Variants in IRGM observed in about 807,000 individuals in gnomAD.
The protein encoded by IRGM is immunity-related GTPase family M protein.
For synonymous variants in IRGM, 98 were observed against 80.6 expected (o/e 1.22, Z -1.16); for missense variants, 288 against 219.9 (o/e 1.31, Z -1.96).
chr5:150,866,129 C>A (rs1581644805), intron 1 of IRGM, among the ~76,000 whole-genome samples: 1 of 152,148 alleles, frequency 6.6e-6, no homozygotes, highest in Non-Finnish European at 1.5e-5. Flanking sequence ...TTCTATTGTT[C>A]CGTGATTCTG....
In IRGM at chr5:150,882,929, G is replaced by A. The variant is rs1039908791; in HGVS notation, c.*140+3283G>A. Reference sequence around the variant, plus strand: ...GCAGCATAATATACATTCTTTTCAAGTGCACATAGAATATTCTCCAATATA... The same window carrying A: ...GCAGCATAATATACATTCTTTTCAAATGCACATAGAATATTCTCCAATATA... On this transcript the variant is annotated intron_variant and NMD_transcript_variant, in intron 3 of 3. Coordinates refer to the IRGM transcript ENST00000520549. 7.9e-5 allele frequency among the ~76,000 whole-genome samples: 12 copies of A among 152,028 alleles called. No homozygotes were observed. In the East Asian group the frequency reaches 2.1e-3, roughly 27 times the overall value.
At chr5:150,898,755 A>ATTT (rs1194837510) in intron 3 of IRGM, among the ~76,000 whole-genome samples, 2 of 152,042 alleles carry the variant, frequency 1.3e-5, no homozygotes, top group Admixed American at 1.3e-4. Context: ...TACATATAGT[A>ATTT]ATTTCATACA....
At chr5:150,859,464 C>G (rs972776415) in intron 1 of IRGM, among the ~76,000 whole-genome samples, 2 of 152,158 alleles carry the variant, frequency 1.3e-5, no homozygotes, top group Non-Finnish European at 2.9e-5. Context: ...GGAGGATTCC[C>G]TCTTTTTCTA....
chr5:150,871,044 G>T (rs1754276145), intron 1 of IRGM, among the ~76,000 whole-genome samples: 2 of 152,116 alleles, frequency 1.3e-5, no homozygotes, highest in African/African-American at 4.8e-5. Context: ...AAAAAGGAAA[G>T]ATTTCTGATT....
rs568745202 is a variant in IRGM at position 150,865,321 on chromosome 5, ACAGG to A, written c.159-12654_159-12651del. Among the ~76,000 whole-genome samples the A allele has an allele frequency of 8.7e-4, 133 of 152,300 alleles. 1 individual carries two copies. Among genetic ancestry groups the A allele is most frequent in the African/African-American group, 3.1e-3 (127 of 41,550 alleles). ...AAAGTATATTAGAAAAAGAACTAAA[ACAGG>A]CAGGAGAAATGGACAATAATTTGGA... is the stretch of plus-strand genomic sequence containing the variant. On this transcript the variant is annotated intron_variant and NMD_transcript_variant, in intron 1 of 3. Coordinates refer to the IRGM transcript ENST00000520549.
chr5:150,895,335 G>A, intron 3 of IRGM: 1 of 1,022,354 alleles, frequency 9.8e-7, no homozygotes, highest in East Asian at 2.6e-5. Flanking sequence ...TATCTATTGG[G>A]ATGTTGTCCC....
At chr5:150,876,216 A>G (rs1036403569) in intron 1 of IRGM, among the ~76,000 whole-genome samples, 1 of 152,232 alleles carries the variant, frequency 6.6e-6, no homozygotes, top group African/African-American at 2.4e-5. Context: ...AGGGCTGTGT[A>G]TGCTCTGAAT....
At chr5:150,874,071 AT>A (rs2113280250) in intron 1 of IRGM, among the ~76,000 whole-genome samples, 1 of 152,334 alleles carries the variant, frequency 6.6e-6, no homozygotes, top group African/African-American at 2.4e-5. Flanking sequence ...AAATTAACAC[AT>A]CTCTTGGTAC....
intron 1 of IRGM, among the ~76,000 whole-genome samples, chr5:150,865,698 C>T (rs1754198194): frequency 6.6e-6 from 1 of 152,132 alleles, no homozygotes; most frequent in African/African-American, 2.4e-5. Flanking sequence ...GGAAAACACG[C>T]CTCTCCACAT....
chr5:150,867,140 A>G (rs1450469556), intron 1 of IRGM, among the ~76,000 whole-genome samples: 1 of 152,100 alleles, frequency 6.6e-6, no homozygotes, highest in African/African-American at 2.4e-5. Context: ...CACTGTACCC[A>G]ATGTGTAGTC....
chr5:150,867,230 G>A (rs1005664484), intron 1 of IRGM, among the ~76,000 whole-genome samples: 1 of 152,112 alleles, frequency 6.6e-6, no homozygotes, highest in Non-Finnish European at 1.5e-5. Flanking sequence ...ACTTATAAGT[G>A]AGAACATACG....
At chr5:150,885,604 GTAATTC>G (rs1754508988) in intron 3 of IRGM, among the ~76,000 whole-genome samples, 1 of 151,966 alleles carries the variant, frequency 6.6e-6, no homozygotes, top group South Asian at 2.1e-4. Context: ...GCATTGTTTT[GTAATTC>G]TTATTGTAGA....
chr5:150,885,411 T>A (rs1292943956), intron 3 of IRGM, among the ~76,000 whole-genome samples: 1 of 152,096 alleles, frequency 6.6e-6, no homozygotes, highest in African/African-American at 2.4e-5. Flanking sequence ...CTTTTTGTCT[T>A]CCATATGAAT....
intron 1 of IRGM, among the ~76,000 whole-genome samples, chr5:150,873,789 C>T (rs920078760): frequency 6.6e-6 from 1 of 152,122 alleles, no homozygotes; most frequent in Admixed American, 6.5e-5. Context: ...TGGGAAAGAC[C>T]AAATGGAAGC....
intron 1 of IRGM, among the ~76,000 whole-genome samples, chr5:150,868,979 T>A (rs575380055): frequency 6.6e-6 from 1 of 152,284 alleles, no homozygotes; most frequent in South Asian, 2.1e-4. Context: ...CTTTGTTCCC[T>A]TCTCTTTTCT....
In IRGM at chr5:150,848,143, A is replaced by AG. The variant is rs1561738643; in HGVS notation, c.21dup (p.Lys8GlufsTer14). ...TTGAAGATGGAAGCCATGAATGTTG[A>AG]GAAAGCCTCAGCAGATGGGAACTTG... On this transcript the variant is annotated frameshift_variant, in exon 2 of 2. Transcript: ENST00000522154. LOFTEE classifies it low-confidence loss of function (END_TRUNC). 1 of 1,546,098 alleles carries AG rather than the reference A, an allele frequency of 6.5e-7. No homozygotes were observed. Among genetic ancestry groups the AG allele is most frequent in the Non-Finnish European group, 8.7e-7 (1 of 1,143,198 alleles).
intron 3 of IRGM, among the ~76,000 whole-genome samples, chr5:150,890,655 T>A (rs1381124604): frequency 6.6e-6 from 1 of 152,028 alleles, no homozygotes; most frequent in Non-Finnish European, 1.5e-5. Flanking sequence ...GATATAGTTG[T>A]GTTTTTATTT....
downstream of IRGM, among the ~76,000 whole-genome samples, chr5:150,849,859 C>T (rs984393121): frequency 1.3e-5 from 2 of 152,046 alleles, no homozygotes; most frequent in Non-Finnish European, 2.9e-5. Flanking sequence ...CCTGCCTTGG[C>T]CTTCCAAAGT....
At chr5:150,901,979 A>T (rs1465144222), downstream of IRGM, among the ~76,000 whole-genome samples, 2 of 152,152 alleles carry the variant, frequency 1.3e-5, no homozygotes, top group African/African-American at 2.4e-5. Context: ...AAAATAAGAG[A>T]CATTCTCACA....
Sources: allele counts gnomAD v4.1 joint callset (sites outside exome capture counted in the v4.1 genomes callset), GRCh38; gene constraint gnomAD v4.1.1; transcripts MANE v1.5; gene names NCBI Gene and HGNC (gene_info 2026-07-23, HGNC 2026-07-21).